The following PDE4D variants were observed in gnomAD, a reference collection of about 807,000 sequenced individuals.
PDE4D encodes the protein phosphodiesterase 4D.
Under a neutral mutation model 87.4 loss-of-function variants are expected in PDE4D, and 24 were observed. The ratio of observed to expected loss-of-function variants is 0.27; its 90% confidence interval spans 0.20 to 0.39. The LOEUF (loss-of-function observed/expected upper bound fraction) is 0.39. Ranked by LOEUF, PDE4D falls within the 10% of genes least tolerant of loss-of-function variation. PDE4D has a pLI of 1.00. For missense variants in PDE4D, 714 were observed against 1,041.0 expected, an observed-to-expected ratio of 0.69 and a Z score of 4.32; for synonymous variants, 384 against 383.2, an observed-to-expected ratio of 1.00 and a Z score of -0.02.
intron 1 of PDE4D, among the ~76,000 whole-genome samples, chr5:59,341,346 C>T (rs1331959098): frequency 6.6e-6 from 1 of 152,130 alleles, no homozygotes; most frequent in African/African-American, 2.4e-5. Context: ...CTTAAATCCA[C>T]ACGAGAGCTC....
Position 58,988,562 on chromosome 5 carries a change from C to A in PDE4D, c.1483G>T (p.Ala495Ser). The change falls in exon 11 of 15, where the codon GCA becomes TCA. Residue 495 changes from alanine (A) to serine (S), a missense_variant. By Grantham distance (99) the Ala-to-Ser change is moderately conservative. Around this residue, in one of 7 missense-constraint regions of PDE4D, gnomAD observed 141 missense variants for 204.3 expected, o/e 0.69. Transcript: ENST00000340635. Reference sequence around the variant, plus strand: ...TCATGTATTGCACTGGCAAAAATTGCTGCAAGAATCTCCAAATCTGTAAAC... The same window carrying A: ...TCATGTATTGCACTGGCAAAAATTGATGCAAGAATCTCCAAATCTGTAAAC... The part of the protein sequence containing the change: ...AVFTDLEILA[A>S]IFASAIHDVD... 6.7e-7 allele frequency: 1 copy of A among 1,498,326 alleles called. No individual in the cohort carries two copies. Among genetic ancestry groups the A allele is most frequent in the Non-Finnish European group, 9.0e-7 (1 of 1,115,160 alleles). The allele number at this position is 1,498,326 out of a possible 1,614,324, so 92.8% of individuals were successfully genotyped here.
At chr5:60,177,954 AATGTCTACAT>A (rs571026964) in intron 2 of PDE4D, among the ~76,000 whole-genome samples, 60 of 152,298 alleles carry the variant, frequency 3.9e-4, no homozygotes, top group African/African-American at 1.3e-3. Context: ...CTTCCTCATG[AATGTCTACAT>A]ATGCACAAAT....
intron 1 of PDE4D, among the ~76,000 whole-genome samples, chr5:59,219,869 G>A (rs893451207): frequency 2.6e-5 from 4 of 152,136 alleles, no homozygotes; most frequent in Non-Finnish European, 5.9e-5. Flanking sequence ...GTAGAGCTGG[G>A]GTTGGGGGTG....
chr5:59,762,221 G>T (rs1438693771), intron 1 of PDE4D, among the ~76,000 whole-genome samples: 3 of 146,226 alleles, frequency 2.1e-5, no homozygotes, highest in African/African-American at 7.7e-5. Context: ...TGTGTATATG[G>T]GTACACATAT....
intron 2 of PDE4D, among the ~76,000 whole-genome samples, chr5:59,992,959 A>G (rs1252456712): frequency 6.6e-6 from 1 of 152,220 alleles, no homozygotes; most frequent in Non-Finnish European, 1.5e-5. Flanking sequence ...AGAAGGTAAG[A>G]GGTTAAATGC....
intron 1 of PDE4D, among the ~76,000 whole-genome samples, chr5:59,883,086 T>C (rs899554542): frequency 5.3e-5 from 8 of 152,226 alleles, no homozygotes; most frequent in Non-Finnish European, 1.2e-4. Flanking sequence ...GCCTCTCTTA[T>C]TCCTTTGGTT....
intron 1 of PDE4D, among the ~76,000 whole-genome samples, chr5:59,381,760 T>G (rs753848518): frequency 1.3e-5 from 2 of 152,294 alleles, no homozygotes; most frequent in African/African-American, 4.8e-5. Context: ...TCTGAAATAG[T>G]TGACATATAG....
intron 2 of PDE4D, chr5:60,160,792 C>G (rs1248803594): frequency 2.2e-6 from 1 of 452,600 alleles, no homozygotes; most frequent in African/African-American, 2.0e-5. Context: ...TTCCTGTCTT[C>G]CTCTCCACAT....
At chr5:60,402,655 G>A (rs577703850) in intron 1 of PDE4D, among the ~76,000 whole-genome samples, 2 of 152,276 alleles carry the variant, frequency 1.3e-5, no homozygotes, top group Admixed American at 1.3e-4. Context: ...CTGCATAAGG[G>A]CACCCAGTTT....
intron 2 of PDE4D, among the ~76,000 whole-genome samples, chr5:59,194,675 G>GGGCACCTGA (rs1420140368): frequency 3.3e-5 from 5 of 152,180 alleles, no homozygotes; most frequent in Non-Finnish European, 5.9e-5. Flanking sequence ...CCAGAATCAT[G>GGGCACCTGA]TTTTTCAAGG....
At chr5:59,344,166 T>C (rs1049860438) in intron 1 of PDE4D, among the ~76,000 whole-genome samples, 2 of 152,188 alleles carry the variant, frequency 1.3e-5, no homozygotes, top group Non-Finnish European at 2.9e-5. Context: ...AGGGTTATAA[T>C]AAAAATACTT....
At chr5:60,417,017 A>G (rs1742659812) in intron 1 of PDE4D, among the ~76,000 whole-genome samples, 1 of 152,230 alleles carries the variant, frequency 6.6e-6, no homozygotes, top group Admixed American at 6.5e-5. Context: ...TAATTAATCA[A>G]ACATCCAATT....
chr5:59,805,039 C>T (rs533980919), intron 1 of PDE4D, among the ~76,000 whole-genome samples: 2 of 152,244 alleles, frequency 1.3e-5, no homozygotes, highest in African/African-American at 2.4e-5. Flanking sequence ...GTGATCCACC[C>T]GCCTCGGTCT....
At chr5:58,990,110 G>T (rs114725605) in intron 9 of PDE4D, among the ~76,000 whole-genome samples, 191 bp from the exon 10 acceptor site, 1 of 152,102 alleles carries the variant, frequency 6.6e-6, no homozygotes, top group Non-Finnish European at 1.5e-5. Context: ...GACAAAACCA[G>T]AGTTGGGTTG....
rs563659306 is a variant in PDE4D, at chr5:59,024,760, C to T, written c.921+14099G>A. ...GAAGATTCCTTATGATTTATCAAAA[C>T]CCAATTATCACTTACCCTTATGGAG... is the stretch of plus-strand genomic sequence containing the variant. On this transcript the variant is annotated intron_variant, in intron 6 of 14. Transcript: ENST00000340635. 1.6e-4 allele frequency among the ~76,000 whole-genome samples: 25 copies of T among 152,244 alleles called. 1 individual carries two copies. The South Asian group carries it at 5.2e-3, about 32-fold the overall frequency.
intron 5 of PDE4D, among the ~76,000 whole-genome samples, chr5:59,053,820 G>A (rs1158022567): frequency 6.6e-6 from 1 of 151,296 alleles, no homozygotes; most frequent in Non-Finnish European, 1.5e-5. Flanking sequence ...CTCAAGCGAG[G>A]CACAAGACTC....
intron 6 of PDE4D, among the ~76,000 whole-genome samples, chr5:59,033,685 T>G (rs112455070): frequency 0.012 from 1,842 of 152,310 alleles, 33 homozygotes; most frequent in African/African-American, 0.042. Flanking sequence ...CCAGTTTGTT[T>G]AATCTACCCA....
At chr5:60,101,585 G>C (rs1467449456) in intron 2 of PDE4D, among the ~76,000 whole-genome samples, 5 of 152,140 alleles carry the variant, frequency 3.3e-5, no homozygotes, top group African/African-American at 1.2e-4. Context: ...AAGAGAATTT[G>C]GGTTGGAAGC....
chr5:59,184,606 T>A (rs534029825), intron 4 of PDE4D, among the ~76,000 whole-genome samples: 1 of 152,328 alleles, frequency 6.6e-6, no homozygotes, highest in East Asian at 1.9e-4. Flanking sequence ...GTTTTCCATT[T>A]AATATTGAAA....
Sources: allele counts gnomAD v4.1 joint callset (sites outside exome capture counted in the v4.1 genomes callset), GRCh38; gene constraint gnomAD v4.1.1; regional missense constraint gnomAD v4.1.1; transcripts MANE v1.5; gene names NCBI Gene and HGNC (gene_info 2026-07-23, HGNC 2026-07-21).